Variants in CSMD1 observed in about 807,000 individuals in gnomAD.
CSMD1 encodes the protein CUB and Sushi multiple domains 1, also known as CUB and sushi domain-containing protein 1.
CSMD1 carries 213 observed loss-of-function variants against 417.5 expected under a neutral mutation model. That is an observed-to-expected ratio of 0.51 (90% CI 0.46 to 0.57). The LOEUF (loss-of-function observed/expected upper bound fraction) is 0.57. CSMD1 is among the 20% of genes least tolerant of loss of function. CSMD1 has a pLI of 0.00. For synonymous variants in CSMD1, 2,862 were observed against 1,736.8 expected (o/e 1.65, Z -16.11); for missense variants, 6,923 against 4,529.7 (o/e 1.53, Z -15.17).
chr8:3,812,376 A>C (rs1342191296), intron 5 of CSMD1, among the ~76,000 whole-genome samples: 1 of 152,164 alleles, frequency 6.6e-6, no homozygotes, highest in Non-Finnish European at 1.5e-5. Flanking sequence ...CCAGGTAGTG[A>C]GATACTTAAA....
At chr8:3,514,159 G>A (rs924056601) in intron 10 of CSMD1, among the ~76,000 whole-genome samples, 2 of 152,180 alleles carry the variant, frequency 1.3e-5, no homozygotes, top group Non-Finnish European at 2.9e-5. Context: ...CTCCCAGGAA[G>A]CTGTCATAGC....
intron 5 of CSMD1, among the ~76,000 whole-genome samples, chr8:3,977,797 T>C (rs909444959): frequency 2.6e-5 from 4 of 152,226 alleles, no homozygotes; most frequent in African/African-American, 9.6e-5. Context: ...CAGGCTTTCA[T>C]TACCTATTTC....
intron 7 of CSMD1, among the ~76,000 whole-genome samples, chr8:3,693,556 C>G (rs1434332073): frequency 6.6e-6 from 1 of 152,000 alleles, no homozygotes; most frequent in Non-Finnish European, 1.5e-5. Flanking sequence ...CTACAATGTC[C>G]CCAGCACAGT....
In CSMD1 at chr8:3,982,204, AT is replaced by A. The variant is rs1175671105; in HGVS notation, c.818+15698del. ...AATAATAATAATATTAATAAAAAAA[AT>A]AATAATAATAAACTAGTTAGAATTA... On this transcript the variant is annotated intron_variant, in intron 5 of 69. Transcript: ENST00000635120. Among the ~76,000 whole-genome samples, 355 of 146,912 alleles carry A rather than the reference AT, an allele frequency of 2.4e-3. 3 individuals carry two copies. The highest frequency in any genetic ancestry group is 7.8e-3 in the African/African-American group (315 of 40,324).
intron 52 of CSMD1, among the ~76,000 whole-genome samples, chr8:3,003,504 C>T (rs764891456): frequency 3.9e-5 from 6 of 152,190 alleles, no homozygotes; most frequent in Non-Finnish European, 8.8e-5. Context: ...ACAGAATAAC[C>T]TCACCACTGG....
intron 5 of CSMD1, among the ~76,000 whole-genome samples, chr8:3,866,477 T>C (rs1805113325): frequency 6.6e-6 from 1 of 152,196 alleles, no homozygotes; most frequent in Non-Finnish European, 1.5e-5. Flanking sequence ...TATTAATATT[T>C]TACACATTTC....
intron 25 of CSMD1, among the ~76,000 whole-genome samples, chr8:3,295,148 G>A (rs1185920434): frequency 1.3e-5 from 2 of 151,590 alleles, no homozygotes; most frequent in Admixed American, 6.6e-5. Context: ...TATTTGAGAT[G>A]GAGTCTTGCT....
chr8:3,558,980 A>C (rs1428878432), intron 10 of CSMD1, among the ~76,000 whole-genome samples: 1 of 152,196 alleles, frequency 6.6e-6, no homozygotes, highest in East Asian at 1.9e-4. Context: ...ATGAAAAGAT[A>C]AATGACTAGA....
chr8:3,759,077 T>C (rs1340344433), intron 5 of CSMD1, among the ~76,000 whole-genome samples: 4 of 152,360 alleles, frequency 2.6e-5, no homozygotes, highest in African/African-American at 9.6e-5. Flanking sequence ...GACACCTTGA[T>C]TGTAGATGTG....
At chr8:4,576,697 G>C (rs546118107) in intron 2 of CSMD1, among the ~76,000 whole-genome samples, 1 of 152,204 alleles carries the variant, frequency 6.6e-6, no homozygotes, top group East Asian at 1.9e-4. Context: ...TAAGTAGCTA[G>C]AAGTCTGATA....
chr8:4,185,595 A>G (rs1407892052), intron 3 of CSMD1, among the ~76,000 whole-genome samples: 1 of 152,198 alleles, frequency 6.6e-6, no homozygotes, highest in African/African-American at 2.4e-5. Flanking sequence ...TATCTAGTAA[A>G]TGTGCTGATT....
intron 3 of CSMD1, among the ~76,000 whole-genome samples, chr8:4,121,075 G>C (rs781497343): frequency 6.6e-4 from 100 of 151,876 alleles, no homozygotes; most frequent in African/African-American, 1.9e-3. Flanking sequence ...GGGTCTGTTT[G>C]TCAAGGTATT....
chr8:3,264,939 ATTC>A (rs1272879349), intron 26 of CSMD1, among the ~76,000 whole-genome samples: 2 of 152,104 alleles, frequency 1.3e-5, no homozygotes, highest in Non-Finnish European at 2.9e-5. Context: ...TAGCTTATAT[ATTC>A]TTTAATAACG....
intron 3 of CSMD1, among the ~76,000 whole-genome samples, chr8:4,197,850 G>A (rs117843354): frequency 1.3e-5 from 2 of 152,176 alleles, no homozygotes. Context: ...CCACACTCCA[G>A]CCTGGGCAAC....
intron 3 of CSMD1, among the ~76,000 whole-genome samples, chr8:4,298,417 G>C (rs1183914648): frequency 6.6e-6 from 1 of 151,942 alleles, no homozygotes; most frequent in Non-Finnish European, 1.5e-5. Flanking sequence ...CTAGACACTA[G>C]ACTGTTATAC....
Position 4,011,649 on chromosome 8 carries a change from C to A in CSMD1, c.611-13539G>T, listed in dbSNP as rs1383425529. Among the ~76,000 whole-genome samples the A allele has an allele frequency of 4.6e-5, 7 of 152,180 alleles. No homozygotes were observed. In the East Asian group the frequency reaches 1.3e-3, roughly 29 times the overall value. ...CATTTCCTCATCCTTGAATTCTTTT[C>A]ATTCCTACACTTCCTAAATTTTTAA... On this transcript the variant is annotated intron_variant, in intron 4 of 69. Coordinates refer to ENST00000635120, the MANE Select transcript of CSMD1 (RefSeq NM_033225.6).
chr8:2,990,399 G>A (rs1284668207), intron 54 of CSMD1, among the ~76,000 whole-genome samples: 2 of 152,210 alleles, frequency 1.3e-5, no homozygotes, highest in Admixed American at 1.3e-4. Context: ...TAGAGACAGT[G>A]GGACAAGATT....
intron 12 of CSMD1, among the ~76,000 whole-genome samples, chr8:3,413,785 G>A (rs1181815842): frequency 6.6e-6 from 1 of 152,120 alleles, no homozygotes; most frequent in South Asian, 2.1e-4. Flanking sequence ...CAATGATACA[G>A]TATGTGTGTC....
At chr8:4,254,329 T>C (rs1482893724) in intron 3 of CSMD1, among the ~76,000 whole-genome samples, 2 of 152,146 alleles carry the variant, frequency 1.3e-5, no homozygotes, top group Non-Finnish European at 2.9e-5. Flanking sequence ...ATAACATTCG[T>C]TCTATGGAGA....
Sources: allele counts gnomAD v4.1 joint callset (sites outside exome capture counted in the v4.1 genomes callset), GRCh38; gene constraint gnomAD v4.1.1; transcripts MANE v1.5; gene names NCBI Gene and HGNC (gene_info 2026-07-23, HGNC 2026-07-21).